Variants in CHAT observed in about 807,000 individuals in gnomAD.
CHAT encodes the protein choline O-acetyltransferase, also known as acetyl CoA:choline O-acetyltransferase.
A neutral mutation model predicts 76.9 loss-of-function variants in CHAT; 61 were observed. The observed-to-expected ratio is 0.79, with a 90% CI of 0.65 to 0.98. CHAT has a LOEUF of 0.98. Ranked by LOEUF, CHAT falls within the 50% of genes least tolerant of loss-of-function variation. The probability of loss-of-function intolerance (pLI) is 0.00; values close to 1 mark genes in which losing one functional copy is unlikely to be tolerated. For synonymous variants in CHAT, 407 were observed against 397.4 expected (o/e 1.02, Z -0.29); for missense variants, 946 against 986.9 (o/e 0.96, Z 0.56).
At chr10:49,612,362 C>T, upstream of CHAT, 1 of 1,560,038 alleles carries the variant, frequency 6.4e-7, no homozygotes. Flanking sequence ...TCCTCCAGCC[C>T]ACCCAACCGC....
chr10:49,614,485 A>C lies in CHAT; in HGVS notation c.286+10A>C, dbSNP rs144653796. The C allele has an allele frequency of 1.7e-5, 25 of 1,476,282 alleles. No homozygotes were observed. The highest frequency in any genetic ancestry group is 2.2e-5 in the Non-Finnish European group (24 of 1,105,040). The allele number at this position is 1,476,282 out of a possible 1,614,324, so 91.4% of individuals were successfully genotyped here. ...GAGCCGAGGAGAGCAGGTGAGAAGA[A>C]GGGCTGGGCTGGGCTGGCGGAGCGC... On this transcript the variant is annotated intron_variant, in intron 1 of 14. Coordinates refer to ENST00000337653, the MANE Select transcript of CHAT (RefSeq NM_020549.5).
intron 7 of CHAT, among the ~76,000 whole-genome samples, chr10:49,643,239 T>A (rs904676860): frequency 2.6e-5 from 4 of 152,196 alleles, no homozygotes; most frequent in African/African-American, 9.7e-5. Context: ...TAGCATCACA[T>A]CATTATGTTC....
chr10:49,613,449 G>C (rs533382083), upstream of CHAT, among the ~76,000 whole-genome samples: 141 of 152,290 alleles, frequency 9.3e-4, 1 homozygote, highest in African/African-American at 3.3e-3. Context: ...CAGCGTTCGC[G>C]CAACACTCCA....
chr10:49,655,344 C>A, intron 12 of CHAT, 42 bp from the exon 13 acceptor site: 2 of 1,613,208 alleles, frequency 1.2e-6, no homozygotes, highest in Non-Finnish European at 1.7e-6. Context: ...TGGCTCCAAG[C>A]AGCCTTTTAA....
intron 1 of CHAT, chr10:49,615,761 C>A: frequency 1.9e-6 from 1 of 513,778 alleles, no homozygotes; most frequent in Non-Finnish European, 3.5e-6. Flanking sequence ...ATTAATCTGC[C>A]TCTCCCCAGA....
At chr10:49,642,834 G>A (rs570265711) in intron 7 of CHAT, among the ~76,000 whole-genome samples, 2 of 152,364 alleles carry the variant, frequency 1.3e-5, no homozygotes, top group African/African-American at 2.4e-5. Flanking sequence ...CTATGGCCCC[G>A]GCTTGGCTGG....
intron 11 of CHAT, 41 bp downstream of exon 11, chr10:49,652,047 C>A (rs372839166): frequency 2.2e-5 from 35 of 1,613,596 alleles, no homozygotes; most frequent in South Asian, 1.1e-5. Flanking sequence ...GGAGGGCTGA[C>A]GGACACAGTG....
At chr10:49,625,382 CT>C in intron 5 of CHAT, 90 bp from the exon 6 acceptor site, 1 of 1,239,374 alleles carries the variant, frequency 8.1e-7, no homozygotes, top group South Asian at 1.3e-5. Context: ...CCCATTTTGC[CT>C]GATCAAGTTA....
chr10:49,644,037 T>G (rs1479769418), intron 7 of CHAT, among the ~76,000 whole-genome samples: 1 of 152,222 alleles, frequency 6.6e-6, no homozygotes, highest in Non-Finnish European at 1.5e-5. Flanking sequence ...AGGTGCTGTG[T>G]GAGGCTGGCC....
rs1212693644 is a variant in CHAT at position 49,620,595 on chromosome 10, G to A, written c.680G>A (p.Gly227Asp). 13 of 1,613,174 alleles carry A rather than the reference G, an allele frequency of 8.1e-6. No homozygotes were observed. The highest frequency in any genetic ancestry group is 1.1e-5 in the Non-Finnish European group (13 of 1,179,360). The change falls in exon 4 of 15, where the codon GGC becomes GAC. Residue 227 changes from glycine (G) to aspartate (D), a missense_variant. Physicochemically the swap from Gly to Asp is moderately conservative, Grantham distance 94. Transcript: ENST00000337653. The part of the protein sequence containing the change: ...AVIFARQHFP[G>D]TDDQLRFAAS... ...ATCTTTGCTCGGCAGCACTTCCCTG[G>A]CACCGATGACCAGCTGAGGTGAGGC...
At chr10:49,609,963 GC>G (rs1838245112), upstream of CHAT, among the ~76,000 whole-genome samples, 1 of 152,014 alleles carries the variant, frequency 6.6e-6, no homozygotes, top group African/African-American at 2.4e-5. Context: ...CGGCTGCCGC[GC>G]CCCCTTCCCC....
At chr10:49,632,366 G>A (rs1839154882) in intron 7 of CHAT, among the ~76,000 whole-genome samples, 1 of 152,170 alleles carries the variant, frequency 6.6e-6, no homozygotes. Context: ...GCCTAGTGTG[G>A]CTGTTGGGGC....
At chr10:49,609,208 C>G (rs1479359766), upstream of CHAT, 1 of 152,230 alleles carries the variant, frequency 6.6e-6, no homozygotes, top group Non-Finnish European at 1.5e-5. Context: ...AGGTGAGTCT[C>G]CCTGGAGCCC....
At position 49,625,543 on chromosome 10, in the gene CHAT, G is replaced by A. The variant is rs1438722592; in HGVS notation, c.823G>A (p.Gly275Arg). 2 of 1,613,770 alleles carry A rather than the reference G, an allele frequency of 1.2e-6. No homozygotes were observed. Among genetic ancestry groups the A allele is most frequent in the African/African-American group, 1.3e-5 (1 of 75,042 alleles). ...GCCCCTTTGCATGAAGCAATACTAT[G>A]GGCTCTTCTCCTCCTACCGGCTCCC... ...GQPLCMKQYY[G>R]LFSSYRLPGH... Residue 275 changes from glycine to arginine, a missense_variant, in exon 6 of 15, where the codon GGG becomes AGG. Gly to Arg is a moderately radical substitution (Grantham distance 125). Around this residue, in one of 3 missense-constraint regions of CHAT, gnomAD observed 548 missense variants for 516.2 expected, o/e 1.06. Transcript: ENST00000337653.
chr10:49,629,146 C>G (rs1839027405), intron 7 of CHAT, among the ~76,000 whole-genome samples: 1 of 152,204 alleles, frequency 6.6e-6, no homozygotes, highest in Admixed American at 6.5e-5. Flanking sequence ...TCTGCCTTTC[C>G]CCCCACCTCC....
At chr10:49,663,861 G>A (rs1434294375) in intron 14 of CHAT, among the ~76,000 whole-genome samples, 1 of 152,212 alleles carries the variant, frequency 6.6e-6, no homozygotes, top group Non-Finnish European at 1.5e-5. Flanking sequence ...GGCAAAAAGT[G>A]CTTTGGAATG....
chr10:49,627,897 G>C, intron 7 of CHAT, 112 bp downstream of exon 7: 1 of 1,273,522 alleles, frequency 7.9e-7, no homozygotes, highest in Non-Finnish European at 1.1e-6. Flanking sequence ...TAGTGTGGGA[G>C]CTCAGGGCCC....
Position 49,619,812 on chromosome 10 carries a change from T to C in CHAT, c.475T>C (p.Phe159Leu). 6.2e-7 allele frequency: 1 copy of C among 1,614,060 alleles called. No individual in the cohort carries two copies. Residue 159 changes from phenylalanine (F) to leucine (L), a missense_variant, in exon 3 of 15, where the codon TTC becomes CTC. Phe to Leu is a conservative substitution (Grantham distance 22, BLOSUM62 0). Coordinates refer to ENST00000337653, the MANE Select transcript of CHAT (RefSeq NM_020549.5). ...GCGACACTTGGTGTCTGAGGAGCAG[T>C]TCAGGAAGAGCCAGGCCATTGTGCA... ...CMRHLVSEEQ[F>L]RKSQAIVQQF...
chr10:49,623,188 C>T (rs939783802), intron 5 of CHAT, among the ~76,000 whole-genome samples: 2 of 152,200 alleles, frequency 1.3e-5, no homozygotes, highest in Non-Finnish European at 2.9e-5. Context: ...CCAGAACTCG[C>T]CCCTCCAGCT....
Sources: gnomAD v4.1 joint callset for allele counts (sites outside exome capture counted in the v4.1 genomes callset) on GRCh38, gnomAD v4.1.1 for gene constraint, gnomAD v4.1.1 regional missense constraint, MANE v1.5 for transcripts, NCBI Gene and HGNC (gene_info 2026-07-23, HGNC 2026-07-21) for gene names.